Variants in ZNF207 observed in about 807,000 individuals in gnomAD.
The protein encoded by ZNF207 is zinc finger protein 207.
In ZNF207, 24 loss-of-function variants were observed where a neutral mutation model predicts 60.2. The ratio of observed to expected loss-of-function variants is 0.40; its 90% CI spans 0.29 to 0.56. ZNF207 has a LOEUF of 0.56. Ranked by LOEUF, ZNF207 falls within the 20% of genes least tolerant of loss-of-function variation. The pLI is 0.49. For synonymous variants in ZNF207, 236 were observed against 194.7 expected, an observed-to-expected ratio of 1.21 and a Z score of -1.77; for missense variants, 452 against 636.6, an observed-to-expected ratio of 0.71 and a Z score of 3.12.
At chr17:32,366,309 C>G (rs1567823818) in intron 8 of ZNF207, among the ~76,000 whole-genome samples, 1 of 151,930 alleles carries the variant, frequency 6.6e-6, no homozygotes, top group Non-Finnish European at 1.5e-5. Context: ...AGATGTAAAA[C>G]TTTTGGCAAA....
rs1308357222 is a variant in ZNF207 at position 32,377,737 on chromosome 17, GT to G, written c.*7980del. 4 of 150,798 alleles carry G rather than the reference GT, an allele frequency of 2.7e-5. No homozygotes were observed. In the East Asian group the frequency reaches 7.8e-4, roughly 30 times the overall value. 9.3% of individuals were successfully genotyped at this position (150,798 alleles called of 1,614,324 possible). ...GAGATGTGTCCAAGAGATTTTCAAT[GT>G]TAATTAGCTCATTCTAAATAGCCAA... On this transcript the variant is annotated 3_prime_UTR_variant, in exon 12 of 12. Coordinates refer to ENST00000394670, the MANE Select transcript of ZNF207 (RefSeq NM_001098507.2).
At chr17:32,364,244 G>A (rs533392167) in intron 7 of ZNF207, among the ~76,000 whole-genome samples, 1 of 152,030 alleles carries the variant, frequency 6.6e-6, no homozygotes, top group East Asian at 1.9e-4. Flanking sequence ...TGCTGTGAGG[G>A]AACCTGGGAA....
chr17:32,366,756 A>C lies in ZNF207; in HGVS notation c.920A>C (p.Gln307Pro). The C allele has an allele frequency of 6.2e-7, 1 of 1,601,280 alleles. No homozygotes were observed. The highest frequency in any genetic ancestry group is 8.5e-7 in the Non-Finnish European group (1 of 1,175,080). The part of the protein sequence containing the change: ...SSKALFPSTA[Q>P]AQAAVQGPVG... ...AAAGCTCTGTTTCCTAGCACAGCACAAGTACGCAGGAAGTTGCAGTTTAAA... is the reference window on the plus strand; with the variant it reads ...AAAGCTCTGTTTCCTAGCACAGCACCAGTACGCAGGAAGTTGCAGTTTAAA... The change falls in exon 9 of 12, where the codon CAA becomes CCA. Residue 307 changes from glutamine to proline, a missense_variant and splice_region_variant. This residue lies in a region of ZNF207 where 390 missense variants were observed against 461.4 expected (regional missense o/e 0.85). Coordinates refer to ENST00000394670, the MANE Select transcript of ZNF207 (RefSeq NM_001098507.2).
chr17:32,372,495 G>C lies in ZNF207; in HGVS notation c.*2736G>C, dbSNP rs1201740262. 3 of 152,128 alleles carry C rather than the reference G, an allele frequency of 2.0e-5. No homozygotes were observed. Among genetic ancestry groups the C allele is most frequent in the Non-Finnish European group, 2.9e-5 (2 of 68,024 alleles). The allele number at this position is 152,128 out of a possible 1,614,324, so 9.4% of individuals were successfully genotyped here. The stretch of plus-strand genomic sequence containing the variant: ...TTTGTAGCAAGGTTTTTTGCTCTCT[G>C]TATAGGTCTGATGGGCAAAAATGGA... On this transcript the variant is annotated 3_prime_UTR_variant, in exon 12 of 12. Coordinates refer to ENST00000394670, the MANE Select transcript of ZNF207 (RefSeq NM_001098507.2).
chr17:32,367,000 A>G (rs544499800), intron 9 of ZNF207, among the ~76,000 whole-genome samples: 15 of 152,116 alleles, frequency 9.9e-5, no homozygotes, highest in African/African-American at 1.7e-4. Flanking sequence ...ATAGTGGCCA[A>G]TGGTTAGCCT....
rs1905703232 is a variant in ZNF207 at position 32,377,158 on chromosome 17, C to G, written c.*7399C>G. On this transcript the variant is annotated 3_prime_UTR_variant, in exon 12 of 12. Transcript: ENST00000394670. ...GAGAACACTGGGTAGTATTGTTTGA[C>G]TTAAGAACCTTAAATATATTGAAAA... 6.6e-6 allele frequency: 1 copy of G among 152,044 alleles called. No individual in the cohort carries two copies. Among genetic ancestry groups the G allele is most frequent in the Non-Finnish European group, 1.5e-5 (1 of 67,916 alleles). 9.4% of individuals were successfully genotyped at this position (152,044 alleles called of 1,614,324 possible). A position where few individuals can be genotyped will look rare whatever the true frequency, so the allele number is the denominator to read the frequency against.
At chr17:32,357,343 TTATTATTA>T (rs200389658) in intron 2 of ZNF207, among the ~76,000 whole-genome samples, 1,678 of 74,906 alleles carry the variant, frequency 0.022, 37 homozygotes, top group African/African-American at 0.032. Flanking sequence ...ATTATTATTA[TTATTATTA>T]TTTTTTTTTT....
At chr17:32,366,788 A>G in intron 9 of ZNF207, 31 bp downstream of exon 9, 1 of 1,569,882 alleles carries the variant, frequency 6.4e-7, no homozygotes. Context: ...TAAAATTGTT[A>G]AAATGGCTTT....
intron 6 of ZNF207, among the ~76,000 whole-genome samples, chr17:32,362,313 A>C (rs971557165): frequency 4.6e-5 from 7 of 152,040 alleles, no homozygotes; most frequent in Non-Finnish European, 1.0e-4. Flanking sequence ...ACACTACTGC[A>C]CCCAGCTAAT....
intron 2 of ZNF207, 95 bp from the exon 3 acceptor site, chr17:32,358,408 C>T: frequency 3.2e-6 from 4 of 1,268,708 alleles, no homozygotes; most frequent in Non-Finnish European, 4.2e-6. Context: ...CATGGCCTCA[C>T]TATAGAACAT....
At chr17:32,353,780 A>T (rs1180732872) in intron 2 of ZNF207, among the ~76,000 whole-genome samples, 2 of 140,798 alleles carry the variant, frequency 1.4e-5, no homozygotes, top group Non-Finnish European at 3.0e-5. Context: ...GTGCCACTGC[A>T]CTCCAGCCTG....
Position 32,375,589 on chromosome 17 carries a change from C to T in ZNF207, c.*5830C>T, listed in dbSNP as rs924755900. 2.0e-5 allele frequency: 3 copies of T among 152,058 alleles called. No individual in the cohort carries two copies. The highest frequency in any genetic ancestry group is 2.0e-4 in the Admixed American group (3 of 15,274). 9.4% of individuals were successfully genotyped at this position (152,058 alleles called of 1,614,324 possible). On this transcript the variant is annotated 3_prime_UTR_variant, in exon 12 of 12. Coordinates refer to ENST00000394670, the MANE Select transcript of ZNF207 (RefSeq NM_001098507.2). ...AGTTTTTAGGTGTCTGTAACATCCA[C>T]TAGTAAAACTTGGCAAATGAAAGAA...
Position 32,375,720 on chromosome 17 carries a change from A to G in ZNF207, c.*5961A>G, listed in dbSNP as rs1367944122. 5.9e-5 allele frequency: 9 copies of G among 152,136 alleles called. No individual in the cohort carries two copies. Among genetic ancestry groups the G allele is most frequent in the Admixed American group, 5.9e-4 (9 of 15,284 alleles). 9.4% of individuals were successfully genotyped at this position (152,136 alleles called of 1,614,324 possible). On this transcript the variant is annotated 3_prime_UTR_variant, in exon 12 of 12. Transcript: ENST00000394670. Reference sequence around the variant, plus strand: ...ATACTCTAAAATTATACAGACATGAATGTCTTTTTTAAAAGGTTGTCATTA... The same window carrying G: ...ATACTCTAAAATTATACAGACATGAGTGTCTTTTTTAAAAGGTTGTCATTA...
At chr17:32,367,281 A>G (rs913270763) in intron 9 of ZNF207, among the ~76,000 whole-genome samples, 3 of 105,362 alleles carry the variant, frequency 2.8e-5, no homozygotes, top group African/African-American at 5.0e-5. Context: ...ATATATATAT[A>G]TATAAAGAAT....
At chr17:32,354,903 T>G (rs1904418987) in intron 2 of ZNF207, among the ~76,000 whole-genome samples, 1 of 152,210 alleles carries the variant, frequency 6.6e-6, no homozygotes, top group South Asian at 2.1e-4. Context: ...CGTGAGCCAC[T>G]GCGCCCAGCC....
At chr17:32,363,462 C>G (rs768594603) in intron 7 of ZNF207, among the ~76,000 whole-genome samples, 1 of 148,636 alleles carries the variant, frequency 6.7e-6, no homozygotes, top group African/African-American at 2.5e-5. Flanking sequence ...TGTGCTGAAT[C>G]TCACATACTT....
chr17:32,365,980 T>G (rs1275211823), intron 8 of ZNF207, among the ~76,000 whole-genome samples: 2 of 152,208 alleles, frequency 1.3e-5, no homozygotes, highest in Non-Finnish European at 2.9e-5. Flanking sequence ...TATTTCTTAC[T>G]GGTCTTTTTT....
chr17:32,361,251 A>G (rs1904865824), intron 5 of ZNF207: 1 of 563,508 alleles, frequency 1.8e-6, no homozygotes. Context: ...CGTTTCTGAG[A>G]TTCAGAATTA....
chr17:32,376,262 G>T lies in ZNF207; in HGVS notation c.*6503G>T, dbSNP rs1905670832. 1 of 151,888 alleles carries T rather than the reference G, an allele frequency of 6.6e-6. No individual in the cohort carries two copies. Among genetic ancestry groups the T allele is most frequent in the Non-Finnish European group, 1.5e-5 (1 of 67,860 alleles). The allele number at this position is 151,888 out of a possible 1,614,324, so 9.4% of individuals were successfully genotyped here. A position where few individuals can be genotyped will look rare whatever the true frequency, so the allele number is the denominator to read the frequency against. ...ATATCCACCTTTTCCAAGTGTTTAA[G>T]CCCTAAAACATCTATCTTTATTTTT... On this transcript the variant is annotated 3_prime_UTR_variant, in exon 12 of 12. Coordinates refer to ENST00000394670, the MANE Select transcript of ZNF207 (RefSeq NM_001098507.2).
Sources: gnomAD v4.1 joint callset for allele counts (sites outside exome capture counted in the v4.1 genomes callset) on GRCh38, gnomAD v4.1.1 for gene constraint, gnomAD v4.1.1 regional missense constraint, MANE v1.5 for transcripts, NCBI Gene and HGNC (gene_info 2026-07-23, HGNC 2026-07-21) for gene names.